The following ALG6 variants were observed in gnomAD, a reference collection of about 807,000 sequenced individuals.
The protein encoded by ALG6 is ALG6 alpha-1,3-glucosyltransferase.
In ALG6, 46 loss-of-function variants were observed where a neutral mutation model predicts 66.6. That is an observed-to-expected ratio of 0.69 (90% CI 0.55 to 0.88). ALG6 has a LOEUF of 0.88. Ranked by LOEUF, ALG6 falls within the 40% of genes least tolerant of loss-of-function variation. The probability of loss-of-function intolerance (pLI) is 0.00; values close to 1 mark genes in which losing one functional copy is unlikely to be tolerated. For missense variants in ALG6, 505 were observed against 586.8 expected (o/e 0.86, Z 1.44); for synonymous variants, 185 against 203.7 (o/e 0.91, Z 0.78).
chr1:63,417,207 T>C (rs182977203), intron 11 of ALG6, among the ~76,000 whole-genome samples: 144 of 152,354 alleles, frequency 9.5e-4, no homozygotes, highest in Admixed American at 2.9e-3. Context: ...AGGCTTAACC[T>C]GAAATATCTT....
At chr1:63,400,370 T>C (rs557690182) in intron 3 of ALG6, among the ~76,000 whole-genome samples, 13 of 130,890 alleles carry the variant, frequency 9.9e-5, no homozygotes, top group Admixed American at 4.1e-4. Flanking sequence ...TGTATATATA[T>C]GTATATATAT....
At position 63,415,682 on chromosome 1, in the gene ALG6, A is replaced by G. The variant is rs1431450271; in HGVS notation, c.903-191A>G. Among the ~76,000 whole-genome samples the G allele has an allele frequency of 4.6e-5, 7 of 152,148 alleles. No homozygotes were observed. The South Asian group carries it at 1.0e-3, about 23-fold the overall frequency. ...ATTATGTAATCGTGTATAAAAGTATATATATATATCAATGTGTAGATTTTG... is the reference window on the plus strand; with the variant it reads ...ATTATGTAATCGTGTATAAAAGTATGTATATATATCAATGTGTAGATTTTG... On this transcript the variant is annotated intron_variant, in intron 10 of 14. Coordinates refer to ENST00000263440, the MANE Select transcript of ALG6 (RefSeq NM_013339.4).
intron 4 of ALG6, among the ~76,000 whole-genome samples, chr1:63,403,354 A>G (rs1378379986): frequency 6.6e-6 from 1 of 152,152 alleles, no homozygotes; most frequent in Non-Finnish European, 1.5e-5. Context: ...AAACTAGAAT[A>G]ATTGTAGTGT....
At chr1:63,371,197 A>C in intron 2 of ALG6, 138 bp downstream of exon 2, 1 of 656,134 alleles carries the variant, frequency 1.5e-6, no homozygotes, top group South Asian at 1.8e-5. Flanking sequence ...AAATACATTT[A>C]AATGTCCAGT....
chr1:63,379,775 A>G (rs1648246276), intron 2 of ALG6, among the ~76,000 whole-genome samples: 1 of 149,290 alleles, frequency 6.7e-6, no homozygotes, highest in South Asian at 2.1e-4. Context: ...TACATTATAT[A>G]TAAAACATAT....
rs556808489 is a variant in ALG6, at chr1:63,379,459, G to GAGATAGTATTTTA, written c.82+8400_82+8401insAGATAGTATTTTA. Among the ~76,000 whole-genome samples, 175 of 152,196 alleles carry GAGATAGTATTTTA rather than the reference G, an allele frequency of 1.1e-3. 5 individuals are homozygous for GAGATAGTATTTTA. In the South Asian group the frequency reaches 0.036, roughly 31 times the overall value. ...TACTATCTTCACTATCTCCCTAAAG[G>GAGATAGTATTTTA]CATTGTATTTTAAATTGTAGTAGAG... On this transcript the variant is annotated intron_variant, in intron 2 of 14. Transcript: ENST00000263440.
At chr1:63,399,410 G>A (rs1034240578) in intron 3 of ALG6, among the ~76,000 whole-genome samples, 3 of 152,150 alleles carry the variant, frequency 2.0e-5, no homozygotes, top group African/African-American at 4.8e-5. Flanking sequence ...TTGTATGCAC[G>A]CAGGAGTCTG....
At chr1:63,385,567 A>G (rs1470269438) in intron 2 of ALG6, among the ~76,000 whole-genome samples, 1 of 152,004 alleles carries the variant, frequency 6.6e-6, no homozygotes, top group East Asian at 1.9e-4. Context: ...TAGGTATTTA[A>G]TTTTATTTGT....
At chr1:63,415,828 A>G in intron 10 of ALG6, 45 bp from the exon 11 acceptor site, 1 of 1,264,132 alleles carries the variant, frequency 7.9e-7, no homozygotes, top group Non-Finnish European at 1.1e-6. Context: ...CTAGATTTAT[A>G]CCTCTACAAA....
At chr1:63,395,523 G>T (rs986643762) in intron 2 of ALG6, among the ~76,000 whole-genome samples, 1 of 151,916 alleles carries the variant, frequency 6.6e-6, no homozygotes, top group Non-Finnish European at 1.5e-5. Context: ...TGGTGAAACC[G>T]GTCTCTAATA....
chr1:63,411,978 T>C lies in ALG6; in HGVS notation c.733T>C (p.Cys245Arg), dbSNP rs1196735672. 6.2e-7 allele frequency: 1 copy of C among 1,614,030 alleles called. No homozygotes were observed. The highest frequency in any genetic ancestry group is 8.5e-7 in the Non-Finnish European group (1 of 1,179,998). Residue 245 changes from cysteine (C) to arginine (R), a missense_variant, in exon 9 of 15, where the codon TGC becomes CGC. Transcript: ENST00000263440. ...ACIVVASFVLCWLPFFTEREQ... is the reference protein window; with the variant it reads ...ACIVVASFVLRWLPFFTEREQ... ...TATTGTTGTGGCTTCCTTCGTTCTCTGCTGGCTGCCATTCTTTACAGAAAG... is the reference window on the plus strand; with the variant it reads ...TATTGTTGTGGCTTCCTTCGTTCTCCGCTGGCTGCCATTCTTTACAGAAAG...
intron 7 of ALG6, among the ~76,000 whole-genome samples, chr1:63,407,681 TTATAA>T (rs906991243): frequency 6.6e-6 from 1 of 152,054 alleles, no homozygotes; most frequent in Non-Finnish European, 1.5e-5. Context: ...CTAATTTGTC[TTATAA>T]TATATTGAAT....
intron 3 of ALG6, among the ~76,000 whole-genome samples, chr1:63,398,253 G>A (rs149936331): frequency 2.0e-3 from 302 of 152,248 alleles, no homozygotes; most frequent in African/African-American, 7.0e-3. Context: ...AGAGGAACTC[G>A]AAACACTTTA....
chr1:63,408,754 A>C (rs576587870), intron 7 of ALG6, among the ~76,000 whole-genome samples: 1 of 152,292 alleles, frequency 6.6e-6, no homozygotes, highest in South Asian at 2.1e-4. Context: ...GCTTTCAGGC[A>C]TATGTTATCT....
Position 63,411,840 on chromosome 1 carries a change from T to C in ALG6, c.681-86T>C, listed in dbSNP as rs937724255. On this transcript the variant is annotated intron_variant, in intron 8 of 14. Coordinates refer to ENST00000263440, the MANE Select transcript of ALG6 (RefSeq NM_013339.4). The stretch of plus-strand genomic sequence containing the variant: ...GATTTGGCATTACTATACATGTGCA[T>C]GTATTATGTTCAGTGAGACTCAGGT... 1.0e-5 allele frequency: 16 copies of C among 1,539,232 alleles called. No homozygotes were observed. In the African/African-American group the frequency reaches 1.9e-4, roughly 18 times the overall value.
chr1:63,416,642 A>G (rs946169294), intron 11 of ALG6, among the ~76,000 whole-genome samples: 4 of 152,196 alleles, frequency 2.6e-5, no homozygotes, highest in African/African-American at 9.6e-5. Flanking sequence ...AAGAGAAACT[A>G]AAAAATATTT....
chr1:63,387,081 T>G (rs1396821260), intron 2 of ALG6, among the ~76,000 whole-genome samples: 11 of 152,244 alleles, frequency 7.2e-5, no homozygotes, highest in Non-Finnish European at 1.3e-4. Flanking sequence ...AATTTCCATG[T>G]GTTTGCACTG....
At chr1:63,393,500 A>T (rs112731356) in intron 2 of ALG6, among the ~76,000 whole-genome samples, 283 of 152,358 alleles carry the variant, frequency 1.9e-3, no homozygotes, top group African/African-American at 6.5e-3. Flanking sequence ...GTGAGAAGTC[A>T]GTAGTTAGTG....
chr1:63,383,685 A>T (rs893347889), intron 2 of ALG6, among the ~76,000 whole-genome samples: 4 of 152,196 alleles, frequency 2.6e-5, no homozygotes, highest in Admixed American at 1.3e-4. Context: ...TAAACATTCC[A>T]TTTATACTTT....
Sources: gnomAD v4.1 joint callset for allele counts (sites outside exome capture counted in the v4.1 genomes callset) on GRCh38, gnomAD v4.1.1 for gene constraint, MANE v1.5 for transcripts, NCBI Gene and HGNC (gene_info 2026-07-23, HGNC 2026-07-21) for gene names.